TRIM39: variants seen among roughly 807,000 people sequenced by gnomAD.
TRIM39 encodes tripartite motif containing 39, also known as E3 ubiquitin-protein ligase TRIM39.
In TRIM39, 5 loss-of-function variants were observed where a neutral mutation model predicts 53.6. That is an observed-to-expected ratio of 0.09 (90% CI 0.05 to 0.20). The LOEUF (loss-of-function observed/expected upper bound fraction) is 0.20. TRIM39 is among the 10% of genes least tolerant of loss of function. The pLI, the probability that TRIM39 is intolerant of heterozygous loss-of-function variation, is 1.00. For missense variants in TRIM39, 310 were observed against 621.0 expected (o/e 0.50, Z 5.32); for synonymous variants, 196 against 237.6 (o/e 0.82, Z 1.61).
In TRIM39 at chr6:30,336,191, G is replaced by T; in HGVS notation, c.780+216G>T. On this transcript the variant is annotated intron_variant, in intron 5 of 7. Coordinates refer to ENST00000396551, the Ensembl canonical transcript of TRIM39. ...GTTCTTATCTCTGGTCAGCAATTAT[G>T]TGCTTAATCTGTTCCAAAGAAAAGA... The T allele has an allele frequency of 4.0e-6, 3 of 747,614 alleles. No individual in the cohort carries two copies. The Admixed American group carries it at 6.0e-5, about 15-fold the overall frequency. The allele number at this position is 747,614 out of a possible 1,614,324, so 46.3% of individuals were successfully genotyped here.
chr6:30,337,876 C>A (rs1787055320), intron 5 of TRIM39, among the ~76,000 whole-genome samples: 2 of 152,238 alleles, frequency 1.3e-5, no homozygotes, highest in African/African-American at 4.8e-5. Context: ...AGTGTAGCCA[C>A]CTTCATCAGT....
chr6:30,340,245 G>T, intron 6 of TRIM39: 1 of 1,592,588 alleles, frequency 6.3e-7, no homozygotes, highest in East Asian at 2.2e-5. Context: ...AGCAGGGAGG[G>T]CAATCATCCA....
chr6:30,340,186 G>A, intron 6 of TRIM39: 1 of 1,242,950 alleles, frequency 8.0e-7, no homozygotes, highest in Non-Finnish European at 1.2e-6. Flanking sequence ...ACTTGTGCCA[G>A]TGGGTGGAAT....
At chr6:30,337,060 A>T (rs528775141) in intron 5 of TRIM39, among the ~76,000 whole-genome samples, 2 of 152,312 alleles carry the variant, frequency 1.3e-5, no homozygotes, top group East Asian at 1.9e-4. Flanking sequence ...GTGAGCAGTA[A>T]TATTTTGAAA....
At position 30,339,993 on chromosome 6, in the gene TRIM39, C is replaced by G. The variant is rs1319545868; in HGVS notation, c.803+63C>G. ...TTGGCTTAGAGAGGAGGGGTACAGTCAGGAGTTTGGGTTGGGGGTGAGGTT... is the reference window on the plus strand; with the variant it reads ...TTGGCTTAGAGAGGAGGGGTACAGTGAGGAGTTTGGGTTGGGGGTGAGGTT... On this transcript the variant is annotated intron_variant, in intron 6 of 7. Coordinates refer to ENST00000396551, the Ensembl canonical transcript of TRIM39. The surrounding 1 kb of genome is among the most constrained non-coding windows in gnomAD (Gnocchi z 4.2). 7 of 1,612,562 alleles carry G rather than the reference C, an allele frequency of 4.3e-6. No homozygotes were observed. The highest frequency in any genetic ancestry group is 5.9e-6 in the Non-Finnish European group (7 of 1,179,096).
rs1787669524 is a variant in TRIM39, at chr6:30,342,599, T to C, written c.*340T>C. The C allele has an allele frequency of 4.9e-6, 2 of 410,684 alleles. No homozygotes were observed. The highest frequency in any genetic ancestry group is 3.7e-5 in the South Asian group (1 of 27,078). 25.4% of individuals were successfully genotyped at this position (410,684 alleles called of 1,614,324 possible). A position where few individuals can be genotyped will look rare whatever the true frequency, so the allele number is the denominator to read the frequency against. ...AAAAATCTGTGAGGGTCTGACTTGCTCAAACCAGAGGAGGAAACAGAAACC... is the reference window on the plus strand; with the variant it reads ...AAAAATCTGTGAGGGTCTGACTTGCCCAAACCAGAGGAGGAAACAGAAACC... On this transcript the variant is annotated 3_prime_UTR_variant, in exon 8 of 8. Transcript: ENST00000396551. The surrounding 1 kb of genome is among the most constrained non-coding windows in gnomAD (Gnocchi z 4.7).
rs752127545 is a variant in TRIM39 at position 30,335,999 on chromosome 6, C to T, written c.780+24C>T. On this transcript the variant is annotated intron_variant, in intron 5 of 7. Coordinates refer to ENST00000396551, the Ensembl canonical transcript of TRIM39. This position sits in a 1 kb window ranked among gnomAD's most constrained non-coding sequence, Gnocchi z 4.7. ...AGGTTCGACCTTTGCCCCTGCATAGCCCCTCAGGCTGAGTGCAGCGTAGCT... is the reference window on the plus strand; with the variant it reads ...AGGTTCGACCTTTGCCCCTGCATAGTCCCTCAGGCTGAGTGCAGCGTAGCT... 5.0e-6 allele frequency: 8 copies of T among 1,612,570 alleles called. No individual in the cohort carries two copies. The highest frequency in any genetic ancestry group is 1.7e-5 in the Admixed American group (1 of 59,946).
At chr6:30,333,381 G>A (rs1316220033) in intron 4 of TRIM39, among the ~76,000 whole-genome samples, 3 of 133,028 alleles carry the variant, frequency 2.3e-5, no homozygotes, top group Middle Eastern at 8.0e-3. Flanking sequence ...TTTTTGAGAC[G>A]GCGTCTCGCT....
chr6:30,331,840 GTGTC>G (rs558201455), intron 4 of TRIM39, among the ~76,000 whole-genome samples: 3 of 152,196 alleles, frequency 2.0e-5, no homozygotes, highest in African/African-American at 7.2e-5. Flanking sequence ...TGGTATTTTG[GTGTC>G]TGTCTGTCTT....
intron 4 of TRIM39, among the ~76,000 whole-genome samples, chr6:30,333,108 A>G (rs1786396862): frequency 6.6e-6 from 1 of 152,228 alleles, no homozygotes; most frequent in Non-Finnish European, 1.5e-5. Context: ...AACGCCATAA[A>G]TACAAATTCA....
In TRIM39 at chr6:30,340,273, A is replaced by C. The variant is rs144233854; in HGVS notation, c.804-232A>C. The C allele has an allele frequency of 5.5e-5, 88 of 1,612,654 alleles. 1 individual carries two copies. The Middle Eastern group carries it at 1.5e-3, about 27-fold the overall frequency. On this transcript the variant is annotated intron_variant, in intron 6 of 7. Coordinates refer to ENST00000396551, the Ensembl canonical transcript of TRIM39. ...ATCATCCATTTGCATGAAATACAGG[A>C]ATATTCCTAGAAAGTTCGGAGGCTC...
At chr6:30,340,009 G>T in intron 6 of TRIM39, 79 bp downstream of exon 6, 7 of 1,606,664 alleles carry the variant, frequency 4.4e-6, no homozygotes, top group Non-Finnish European at 6.0e-6. Context: ...TTTGGGTTGG[G>T]GGTGAGGTTG....
At chr6:30,336,384 T>C (rs1278137165) in intron 5 of TRIM39, among the ~76,000 whole-genome samples, 3 of 152,208 alleles carry the variant, frequency 2.0e-5, no homozygotes, top group African/African-American at 7.2e-5. Flanking sequence ...CTCAGAGATA[T>C]TGTGGGTTCA....
intron 5 of TRIM39, among the ~76,000 whole-genome samples, chr6:30,336,544 G>A (rs528786345): frequency 6.6e-6 from 1 of 152,322 alleles, no homozygotes; most frequent in African/African-American, 2.4e-5. Flanking sequence ...TGGGGTGACT[G>A]TGGTAATTTC....
At chr6:30,328,157 T>C (rs1785632253) in intron 1 of TRIM39, among the ~76,000 whole-genome samples, 1 of 152,242 alleles carries the variant, frequency 6.6e-6, no homozygotes, top group Non-Finnish European at 1.5e-5. Context: ...TCATTGCCTC[T>C]TTTGTGTCTC....
In TRIM39 at chr6:30,326,923, A is replaced by AGGGGAGGAGGAAGGAGG. The variant is rs1785385431; in HGVS notation, c.-231_-215dup. ...TGTGTCGCGCCGCGGGGCGGGGGCG[A>AGGGGAGGAGGAAGGAGG]GGGGAGGAGGAAGGAGGGAGGCAGC... On this transcript the variant is annotated 5_prime_UTR_variant, in exon 1 of 8. Transcript: ENST00000396551. 6.6e-6 allele frequency: 1 copy of AGGGGAGGAGGAAGGAGG among 151,996 alleles called. No individual in the cohort carries two copies. The highest frequency in any genetic ancestry group is 6.5e-5 in the Admixed American group (1 of 15,268). The allele number at this position is 151,996 out of a possible 1,614,324, so 9.4% of individuals were successfully genotyped here. A position where few individuals can be genotyped will look rare whatever the true frequency, so the allele number is the denominator to read the frequency against.
In TRIM39 at chr6:30,336,875, C is replaced by T. The variant is rs117664937; in HGVS notation, c.780+900C>T. On this transcript the variant is annotated intron_variant, in intron 5 of 7. Coordinates refer to ENST00000396551, the Ensembl canonical transcript of TRIM39. ...TTCAATTTACTTTGCCTAGATCTAT[C>T]AGAAAAATCACTATTTATAGCAGCT... Among the ~76,000 whole-genome samples, 89 of 152,254 alleles carry T rather than the reference C, an allele frequency of 5.8e-4. 2 individuals are homozygous for T. The East Asian group carries it at 0.016, about 27-fold the overall frequency.
In TRIM39 at chr6:30,340,430, A is replaced by G. The variant is rs779822934; in HGVS notation, c.804-75A>G. ...TTTTAATTTCTCCCTAAAAATGTTA[A>G]CATCTGAATAGTCACTTGGCTGGAG... On this transcript the variant is annotated intron_variant, in intron 6 of 7. Coordinates refer to ENST00000396551, the Ensembl canonical transcript of TRIM39. 3.8e-5 allele frequency: 61 copies of G among 1,609,874 alleles called. 1 individual carries two copies. The highest frequency in any genetic ancestry group is 3.3e-4 in the Middle Eastern group (2 of 6,078).
chr6:30,341,506 GTTTAC>G, intron 7 of TRIM39: 1 of 814,926 alleles, frequency 1.2e-6, no homozygotes, highest in South Asian at 1.5e-5. Context: ...ATTATTATCT[GTTTAC>G]TTTAGGGTCA....
Sources: gnomAD v4.1 joint callset for allele counts (sites outside exome capture counted in the v4.1 genomes callset) on GRCh38, gnomAD v4.1.1 for gene constraint, Gnocchi (gnomAD v3.1) non-coding constraint, MANE v1.5 for transcripts, NCBI Gene and HGNC (gene_info 2026-07-23, HGNC 2026-07-21) for gene names.